TENT5D: variants seen among roughly 807,000 people sequenced by gnomAD.
TENT5D encodes the protein cancer/testis antigen 112.
For missense variants in TENT5D, 191 were observed against 287.0 expected (o/e 0.67, Z 2.42); for synonymous variants, 103 against 100.6 (o/e 1.02, Z -0.15).
At chrX:80,422,502 C>A (rs183360485) in intron 1 of TENT5D, among the ~76,000 whole-genome samples, 161 of 111,134 alleles carry the variant, frequency 1.4e-3, no homozygotes, top group African/African-American at 5.0e-3. Flanking sequence ...TTTTATCTTT[C>A]TTTAATGGCC....
chrX:80,428,697 C>T (rs1932029779), intron 1 of TENT5D, among the ~76,000 whole-genome samples: 1 of 111,767 alleles, frequency 8.9e-6, no homozygotes, highest in South Asian at 3.7e-4. Flanking sequence ...CCCAGGTACC[C>T]ACAGTCTGCA....
intron 3 of TENT5D, among the ~76,000 whole-genome samples, chrX:80,391,374 G>A (rs776306628): frequency 1.8e-5 from 2 of 111,993 alleles, no homozygotes; most frequent in East Asian, 5.6e-4. Context: ...AGCAAATAAA[G>A]AGGAATTAAA....
intron 3 of TENT5D, among the ~76,000 whole-genome samples, chrX:80,383,201 A>T (rs1930912457): frequency 8.9e-6 from 1 of 112,695 alleles, no homozygotes; most frequent in Non-Finnish European, 1.9e-5. Flanking sequence ...CTATTAATTT[A>T]TAATTTTAAA....
At chrX:80,435,243 A>G (rs1932163091) in intron 1 of TENT5D, among the ~76,000 whole-genome samples, 1 of 111,892 alleles carries the variant, frequency 8.9e-6, no homozygotes, top group African/African-American at 3.2e-5. Flanking sequence ...ACAATAATAA[A>G]AGTTTAATAT....
intron 3 of TENT5D, among the ~76,000 whole-genome samples, chrX:80,377,459 C>A (rs1380348720): frequency 1.8e-5 from 2 of 111,219 alleles, no homozygotes; most frequent in African/African-American, 6.6e-5. Flanking sequence ...TTGTTCAGTT[C>A]CCACCTATGA....
chrX:80,405,045 C>T (rs781251992), intron 3 of TENT5D, among the ~76,000 whole-genome samples: 16 of 111,085 alleles, frequency 1.4e-4, no homozygotes, highest in Non-Finnish European at 2.8e-4. Context: ...TAGCATCAGG[C>T]CACAAGAAAC....
At chrX:80,377,854 A>G (rs1930766993) in intron 3 of TENT5D, among the ~76,000 whole-genome samples, 1 of 111,970 alleles carries the variant, frequency 8.9e-6, no homozygotes, top group Admixed American at 9.5e-5. Context: ...TCCCACCAAC[A>G]GTGTAAAAGC....
chrX:80,415,754 T>C (rs1489906207), upstream of TENT5D, among the ~76,000 whole-genome samples: 10 of 111,786 alleles, frequency 8.9e-5, no homozygotes, highest in Non-Finnish European at 1.7e-4. Flanking sequence ...CCTGAAGTTT[T>C]CTTTTTTGTT....
intron 3 of TENT5D, among the ~76,000 whole-genome samples, chrX:80,396,900 G>GT (rs1931264083): frequency 1.1e-5 from 1 of 89,565 alleles, no homozygotes; most frequent in Non-Finnish European, 2.2e-5. Context: ...GCCGGGCGGG[G>GT]GGCTGACCCC....
chrX:80,398,199 G>T (rs1931323107), intron 3 of TENT5D, among the ~76,000 whole-genome samples: 1 of 111,579 alleles, frequency 9.0e-6, no homozygotes, highest in Non-Finnish European at 1.9e-5. Context: ...GTATCTGTTG[G>T]CCATTTGTTT....
At chrX:80,442,120 A>G (rs916051565) in intron 2 of TENT5D, among the ~76,000 whole-genome samples, 3 of 111,450 alleles carry the variant, frequency 2.7e-5, no homozygotes, top group Non-Finnish European at 5.7e-5. Flanking sequence ...ACACAGAGAC[A>G]TGTTATCTGG....
chrX:80,401,736 T>C (rs1169223209), intron 3 of TENT5D, among the ~76,000 whole-genome samples: 1 of 112,278 alleles, frequency 8.9e-6, no homozygotes, highest in African/African-American at 3.2e-5. Context: ...GAACTATCTT[T>C]GCATCTAGGG....
At chrX:80,376,097 T>C (rs1930720790) in intron 3 of TENT5D, among the ~76,000 whole-genome samples, 1 of 110,851 alleles carries the variant, frequency 9.0e-6, no homozygotes, top group Non-Finnish European at 1.9e-5. Context: ...GAGTATATGA[T>C]AGCTCTCTAA....
At chrX:80,441,902 C>T (rs1932288824) in intron 2 of TENT5D, among the ~76,000 whole-genome samples, 1 of 110,316 alleles carries the variant, frequency 9.1e-6, no homozygotes, top group Non-Finnish European at 1.9e-5. Context: ...CTACTGGGCA[C>T]ATAGAAGAGG....
chrX:80,350,824 G>C (rs1003758168), intron 3 of TENT5D, among the ~76,000 whole-genome samples: 2 of 111,607 alleles, frequency 1.8e-5, no homozygotes, highest in Non-Finnish European at 3.8e-5. Flanking sequence ...TCCTTCAGGA[G>C]CTCTTGTATG....
intron 2 of TENT5D, among the ~76,000 whole-genome samples, chrX:80,442,255 A>G (rs1052144152): frequency 9.0e-6 from 1 of 111,522 alleles, no homozygotes; most frequent in African/African-American, 3.2e-5. Context: ...AAAAAAGGCT[A>G]CCATTTTATA....
At chrX:80,366,650 A>C (rs1002018381) in intron 3 of TENT5D, among the ~76,000 whole-genome samples, 1 of 111,507 alleles carries the variant, frequency 9.0e-6, no homozygotes, top group Non-Finnish European at 1.9e-5. Context: ...TGCTTTATTA[A>C]ATACTCACTA....
At chrX:80,397,974 A>C (rs1219184351) in intron 3 of TENT5D, among the ~76,000 whole-genome samples, 3 of 111,349 alleles carry the variant, frequency 2.7e-5, no homozygotes, top group African/African-American at 6.5e-5. Flanking sequence ...AGGGAGAGGG[A>C]GAGGGAGAGG....
intron 3 of TENT5D, among the ~76,000 whole-genome samples, chrX:80,354,343 T>A: frequency 8.9e-6 from 1 of 111,747 alleles, no homozygotes; most frequent in Non-Finnish European, 1.9e-5. Context: ...CAGTGAATCA[T>A]AGGTTTGGTC....
Sources: allele counts gnomAD v4.1 joint callset (sites outside exome capture counted in the v4.1 genomes callset), GRCh38; gene constraint gnomAD v4.1.1; transcripts MANE v1.5; gene names NCBI Gene and HGNC (gene_info 2026-07-23, HGNC 2026-07-21).